The following HMGXB3 variants were observed in gnomAD, a reference collection of about 807,000 sequenced individuals.
HMGXB3 encodes the protein HMG domain-containing protein 3.
A neutral mutation model predicts 121.5 loss-of-function variants in HMGXB3; 45 were observed. The ratio of observed to expected loss-of-function variants is 0.37; its 90% CI spans 0.29 to 0.47. The LOEUF (loss-of-function observed/expected upper bound fraction) is 0.47. Ranked by LOEUF, HMGXB3 falls within the 20% of genes least tolerant of loss-of-function variation. The pLI is 0.99. For synonymous variants in HMGXB3, 590 were observed against 624.1 expected (o/e 0.95, Z 0.81); for missense variants, 1,376 against 1,602.2 (o/e 0.86, Z 2.41).
intron 5 of HMGXB3, 63 bp downstream of exon 5, chr5:150,012,416 A>C: frequency 8.7e-7 from 1 of 1,153,798 alleles, no homozygotes; most frequent in South Asian, 1.3e-5. Context: ...TTTTCTAAGT[A>C]GATTTGTCTT....
In HMGXB3 at chr5:150,052,414, G is replaced by A; in HGVS notation, c.*222G>A. ...GAGTGGTACCAGGAAACCTCTTCTG[G>A]CCCCGAGAGAGCACTTGGGGGACAC... On this transcript the variant is annotated 3_prime_UTR_variant, in exon 20 of 20. Transcript: ENST00000502717. 1.8e-6 allele frequency: 1 copy of A among 551,998 alleles called. No homozygotes were observed. The highest frequency in any genetic ancestry group is 3.2e-6 in the Non-Finnish European group (1 of 308,894). 34.2% of individuals were successfully genotyped at this position (551,998 alleles called of 1,614,324 possible).
intron 6 of HMGXB3, among the ~76,000 whole-genome samples, chr5:150,020,191 A>G (rs1036352210): frequency 3.3e-5 from 5 of 152,232 alleles, no homozygotes; most frequent in African/African-American, 9.6e-5. Context: ...CATGATAGAC[A>G]TCAATGTAAT....
chr5:150,052,489 T>G lies in HMGXB3; in HGVS notation c.*297T>G. 1 of 367,736 alleles carries G rather than the reference T, an allele frequency of 2.7e-6. No homozygotes were observed. Among genetic ancestry groups the G allele is most frequent in the Non-Finnish European group, 5.0e-6 (1 of 198,250 alleles). 22.8% of individuals were successfully genotyped at this position (367,736 alleles called of 1,614,324 possible). ...GAGGGAAAGGCTCGTAGCTGGTGGG[T>G]TCCGTGGGGCCTGCGGTGTGGGTCA... On this transcript the variant is annotated 3_prime_UTR_variant, in exon 20 of 20. Coordinates refer to ENST00000502717, the MANE Select transcript of HMGXB3 (RefSeq NM_014983.3).
At chr5:150,028,078 C>T (rs980184467) in intron 9 of HMGXB3, among the ~76,000 whole-genome samples, 2 of 152,092 alleles carry the variant, frequency 1.3e-5, no homozygotes, top group Non-Finnish European at 2.9e-5. Context: ...TGGTTTTATA[C>T]ATTCTAGGGG....
At chr5:150,042,726 G>T (rs996103811) in intron 15 of HMGXB3, among the ~76,000 whole-genome samples, 3 of 152,172 alleles carry the variant, frequency 2.0e-5, no homozygotes, top group Non-Finnish European at 4.4e-5. Context: ...CACTGAAGGG[G>T]TTGGAGGAAA....
At chr5:150,025,547 A>C (rs1475935755) in intron 7 of HMGXB3, among the ~76,000 whole-genome samples, 1 of 151,828 alleles carries the variant, frequency 6.6e-6, no homozygotes, top group Non-Finnish European at 1.5e-5. Flanking sequence ...ACATACTTCT[A>C]CATCTTGTTT....
intron 1 of HMGXB3, 145 bp from the exon 2 acceptor site, chr5:150,004,706 G>T: frequency 4.0e-6 from 2 of 504,054 alleles, no homozygotes; most frequent in Non-Finnish European, 6.9e-6. Flanking sequence ...AAACAACCAA[G>T]CCAGGTGCTT....
intron 14 of HMGXB3, 23 bp from the exon 15 acceptor site, chr5:150,041,762 C>G (rs1308441599): frequency 6.5e-7 from 1 of 1,543,724 alleles, no homozygotes; most frequent in African/African-American, 1.4e-5. Context: ...GTGCCCTTCT[C>G]AGTGTTCTTG....
At chr5:150,012,907 A>G (rs1755877513) in intron 5 of HMGXB3, among the ~76,000 whole-genome samples, 1 of 152,226 alleles carries the variant, frequency 6.6e-6, no homozygotes, top group African/African-American at 2.4e-5. Flanking sequence ...TACAACTAGT[A>G]TATCGTAATA....
At chr5:150,042,157 C>T (rs1201985644) in intron 15 of HMGXB3, among the ~76,000 whole-genome samples, 188 bp downstream of exon 15, 2 of 152,188 alleles carry the variant, frequency 1.3e-5, no homozygotes, top group Non-Finnish European at 2.9e-5. Context: ...TTTGTTTATT[C>T]AGTTACTCAC....
In HMGXB3 at chr5:150,041,878, A is replaced by G. The variant is rs1469089647; in HGVS notation, c.2639A>G (p.Asn880Ser). ...AFECLTVRDY[N>S]DMICGICGVA... ...GAGTGCCTCACTGTCCGAGACTACA[A>G]TGACATGATCTGTGGCATCTGTGGT... Residue 880 changes from asparagine to serine, a missense_variant, in exon 15 of 20, where the codon AAT becomes AGT. Physicochemically the swap from Asn to Ser is conservative, Grantham distance 46. Transcript: ENST00000502717. The G allele has an allele frequency of 1.7e-5, 27 of 1,551,612 alleles. No homozygotes were observed. The highest frequency in any genetic ancestry group is 2.7e-5 in the African/African-American group (2 of 73,044).
intron 11 of HMGXB3, among the ~76,000 whole-genome samples, chr5:150,036,372 T>C (rs1339127659): frequency 2.6e-5 from 4 of 152,208 alleles, no homozygotes; most frequent in Non-Finnish European, 5.9e-5. Flanking sequence ...ATCCCTTGAA[T>C]GTTGTCTCAG....
In HMGXB3 at chr5:150,041,854, A is replaced by C; in HGVS notation, c.2615A>C (p.Glu872Ala). Residue 872 changes from glutamate to alanine, a missense_variant, in exon 15 of 20, where the codon GAG becomes GCG. Glu to Ala is a moderately radical substitution (Grantham distance 107). Around this residue, in one of 2 missense-constraint regions of HMGXB3, gnomAD observed 1,116 missense variants for 1,369.0 expected, o/e 0.82. Coordinates refer to ENST00000502717, the MANE Select transcript of HMGXB3 (RefSeq NM_014983.3). Reference sequence around the variant, plus strand: ...CTGTGCAATGGCTATTGGGCCTTTGAGTGCCTCACTGTCCGAGACTACAAT... The same window carrying C: ...CTGTGCAATGGCTATTGGGCCTTTGCGTGCCTCACTGTCCGAGACTACAAT... The part of the protein sequence containing the change: ...ELLCNGYWAF[E>A]CLTVRDYNDM... The C allele has an allele frequency of 6.4e-7, 1 of 1,551,684 alleles. No individual in the cohort carries two copies. The highest frequency in any genetic ancestry group is 8.7e-7 in the Non-Finnish European group (1 of 1,146,958).
intron 4 of HMGXB3, 93 bp downstream of exon 4, chr5:150,010,701 TC>T: frequency 8.0e-7 from 1 of 1,243,496 alleles, no homozygotes; most frequent in Non-Finnish European, 1.1e-6. Context: ...GCAGTGGTAA[TC>T]AAGAGTACTG....
At position 150,041,830 on chromosome 5, in the gene HMGXB3, T is replaced by C; in HGVS notation, c.2591T>C (p.Leu864Pro). The change falls in exon 15 of 20, where the codon CTG (leucine) becomes CCG (proline). Residue 864 changes from leucine (L) to proline (P), a missense_variant. This residue lies in a region of HMGXB3 where 1,116 missense variants were observed against 1,369.0 expected (regional missense o/e 0.82). Coordinates refer to ENST00000502717, the MANE Select transcript of HMGXB3 (RefSeq NM_014983.3). The part of the protein sequence containing the change: ...SEELSQLQEL[L>P]CNGYWAFECL... ...GAGCTGAGCCAGCTGCAGGAGCTGC[T>C]GTGCAATGGCTATTGGGCCTTTGAG... 6.4e-7 allele frequency: 1 copy of C among 1,551,698 alleles called. No homozygotes were observed.
chr5:150,046,152 A>G (rs1008890074), intron 16 of HMGXB3, among the ~76,000 whole-genome samples: 1 of 152,192 alleles, frequency 6.6e-6, no homozygotes, highest in African/African-American at 2.4e-5. Context: ...CAGCTTTGCC[A>G]CTTAGCTGTG....
chr5:150,046,959 C>T (rs1368146797), intron 16 of HMGXB3, among the ~76,000 whole-genome samples: 2 of 150,112 alleles, frequency 1.3e-5, no homozygotes, highest in African/African-American at 2.5e-5. Flanking sequence ...GATCTGGGCT[C>T]ACTGCAACTC....
intron 7 of HMGXB3, among the ~76,000 whole-genome samples, chr5:150,025,524 C>T (rs951924991): frequency 6.6e-6 from 1 of 151,786 alleles, no homozygotes; most frequent in East Asian, 1.9e-4. Flanking sequence ...TAACACAAAT[C>T]ATAGCACAAC....
chr5:150,051,212 C>T (rs1260324934), intron 19 of HMGXB3, among the ~76,000 whole-genome samples: 1 of 152,138 alleles, frequency 6.6e-6, no homozygotes, highest in Non-Finnish European at 1.5e-5. Flanking sequence ...AGTCATGTAC[C>T]CTCCAAGGCC....
Sources: allele counts gnomAD v4.1 joint callset (sites outside exome capture counted in the v4.1 genomes callset), GRCh38; gene constraint gnomAD v4.1.1; regional missense constraint gnomAD v4.1.1; transcripts MANE v1.5; gene names NCBI Gene and HGNC (gene_info 2026-07-23, HGNC 2026-07-21).